The following ADAM17 variants were observed in gnomAD, a reference collection of about 807,000 sequenced individuals.
ADAM17 encodes disintegrin and metalloproteinase domain-containing protein 17.
In ADAM17, 39 loss-of-function variants were observed where a neutral mutation model predicts 96.7. That is an observed-to-expected ratio of 0.40 (90% confidence interval 0.31 to 0.53). The LOEUF is 0.53. ADAM17 is among the 20% of genes least tolerant of loss of function. The pLI, the probability that ADAM17 is intolerant of heterozygous loss-of-function variation, is 0.44. For missense variants in ADAM17, 777 were observed against 1,013.2 expected, an observed-to-expected ratio of 0.77 and a Z score of 3.17; for synonymous variants, 344 against 359.2, an observed-to-expected ratio of 0.96 and a Z score of 0.48.
intron 4 of ADAM17, among the ~76,000 whole-genome samples, chr2:9,533,703 T>C (rs956540528): frequency 1.3e-4 from 20 of 152,210 alleles, no homozygotes; most frequent in African/African-American, 4.6e-4. Flanking sequence ...AGATAAAGTG[T>C]TCTAGAATGT....
At chr2:9,535,730 G>T in intron 4 of ADAM17, 104 bp downstream of exon 4, 1 of 638,254 alleles carries the variant, frequency 1.6e-6, no homozygotes. Flanking sequence ...CAAATACGAA[G>T]AGGAAAGAAA....
At chr2:9,501,165 C>T (rs930497533) in intron 13 of ADAM17, among the ~76,000 whole-genome samples, 11 of 152,024 alleles carry the variant, frequency 7.2e-5, no homozygotes, top group African/African-American at 1.4e-4. Flanking sequence ...TATGAACTGG[C>T]TATTCACAGG....
chr2:9,554,020 G>A (rs1046488890), intron 1 of ADAM17, among the ~76,000 whole-genome samples: 3 of 152,188 alleles, frequency 2.0e-5, no homozygotes, highest in Middle Eastern at 6.8e-3. Flanking sequence ...CTGAGATCGC[G>A]CCACTGCACT....
chr2:9,532,185 A>C (rs1664772048), intron 4 of ADAM17, among the ~76,000 whole-genome samples: 1 of 152,246 alleles, frequency 6.6e-6, no homozygotes, highest in Non-Finnish European at 1.5e-5. Context: ...CTAAGATATT[A>C]GTGCAGATAG....
intron 1 of ADAM17, among the ~76,000 whole-genome samples, chr2:9,552,628 G>A (rs898423790): frequency 1.3e-5 from 2 of 152,086 alleles, no homozygotes; most frequent in African/African-American, 4.8e-5. Flanking sequence ...CCTCATCTGT[G>A]ACCTATATTT....
chr2:9,533,378 C>T (rs148832468), intron 4 of ADAM17, among the ~76,000 whole-genome samples: 2 of 151,914 alleles, frequency 1.3e-5, no homozygotes, highest in African/African-American at 4.8e-5. Flanking sequence ...GAAACCCTGT[C>T]TCTACCAAAA....
chr2:9,547,440 A>G lies in ADAM17; in HGVS notation c.98-4155T>C, dbSNP rs150164013. Among the ~76,000 whole-genome samples the G allele has an allele frequency of 2.6e-4, 40 of 152,344 alleles. No homozygotes were observed. In the East Asian group the frequency reaches 7.7e-3, roughly 29 times the overall value. On this transcript the variant is annotated intron_variant, in intron 1 of 18. Coordinates refer to ENST00000310823, the MANE Select transcript of ADAM17 (RefSeq NM_003183.6). ...AGTTATGCACAGACACAGCAGGGGC[A>G]TGATCCCTGCCTGCTGAGTCAAAGA...
At chr2:9,536,604 C>T in intron 3 of ADAM17, 94 bp downstream of exon 3, 1 of 1,530,870 alleles carries the variant, frequency 6.5e-7, no homozygotes, top group Non-Finnish European at 8.8e-7. Context: ...ACCCCGTCCC[C>T]ACTATCCTGC....
intron 17 of ADAM17, among the ~76,000 whole-genome samples, chr2:9,492,578 A>C (rs1662247531): frequency 6.6e-6 from 1 of 152,230 alleles, no homozygotes; most frequent in Non-Finnish European, 1.5e-5. Flanking sequence ...AGTCAGCCTG[A>C]AAATGCTCTT....
In ADAM17 at chr2:9,493,006, G is replaced by A. The variant is rs1662287080; in HGVS notation, c.1994-20C>T. On this transcript the variant is annotated intron_variant, in intron 16 of 18. Transcript: ENST00000310823. Reference sequence around the variant, plus strand: ...ACTTTCCTGTGAACAATTCCAAACAGTTAATGTCTTGACCAAGTACTTCAC... The same window carrying A: ...ACTTTCCTGTGAACAATTCCAAACAATTAATGTCTTGACCAAGTACTTCAC... 6.3e-7 allele frequency: 1 copy of A among 1,592,078 alleles called. No homozygotes were observed. Among genetic ancestry groups the A allele is most frequent in the South Asian group, 1.1e-5 (1 of 88,402 alleles).
At chr2:9,508,631 T>G (rs887597755) in intron 11 of ADAM17, among the ~76,000 whole-genome samples, 3 of 152,168 alleles carry the variant, frequency 2.0e-5, no homozygotes, top group Non-Finnish European at 4.4e-5. Flanking sequence ...AAAATTTAAA[T>G]AAAATAGAAT....
intron 1 of ADAM17, 21 bp from the exon 2 acceptor site, chr2:9,543,306 G>A (rs1476463864): frequency 1.3e-6 from 2 of 1,565,946 alleles, no homozygotes; most frequent in African/African-American, 2.8e-5. Context: ...GGTAAAAAAG[G>A]TATTAGCATC....
intron 6 of ADAM17, 152 bp from the exon 7 acceptor site, chr2:9,523,490 G>A (rs1664394127): frequency 1.1e-5 from 7 of 609,774 alleles, no homozygotes; most frequent in South Asian, 4.4e-5. Flanking sequence ...AGATGTTACT[G>A]TATCAGAGTA....
At chr2:9,493,984 A>C (rs982943971) in intron 15 of ADAM17, among the ~76,000 whole-genome samples, 159 bp from the exon 16 acceptor site, 5 of 152,240 alleles carry the variant, frequency 3.3e-5, no homozygotes, top group African/African-American at 1.2e-4. Flanking sequence ...ATGAGTACCC[A>C]AGAAAGTAGA....
Position 9,543,693 on chromosome 2 carries a change from T to C in ADAM17, c.98-408A>G, listed in dbSNP as rs62119377. ...AAACCAGTTTTAAAAGAAAGACTCTTACTCATGTGTGGAAGCTAAAAAAGT... is the reference window on the plus strand; with the variant it reads ...AAACCAGTTTTAAAAGAAAGACTCTCACTCATGTGTGGAAGCTAAAAAAGT... On this transcript the variant is annotated intron_variant, in intron 1 of 18. Coordinates refer to ENST00000310823, the MANE Select transcript of ADAM17 (RefSeq NM_003183.6). Among the ~76,000 whole-genome samples the C allele has an allele frequency of 0.18, 27,790 of 152,172 alleles. 2,688 individuals are homozygous for C. The highest frequency in any genetic ancestry group is 0.29 in the Middle Eastern group (84 of 294).
intron 16 of ADAM17, among the ~76,000 whole-genome samples, chr2:9,493,189 G>A (rs566314161): frequency 3.3e-5 from 5 of 152,230 alleles, no homozygotes; most frequent in African/African-American, 1.2e-4. Context: ...CTCATATACT[G>A]GCTGACAGGA....
intron 17 of ADAM17, 63 bp from the exon 18 acceptor site, chr2:9,491,214 C>T: frequency 7.0e-7 from 1 of 1,433,848 alleles, no homozygotes. Context: ...AGTACTATTT[C>T]ATCACAGGCT....
chr2:9,551,822 A>G (rs1665599820), intron 1 of ADAM17, among the ~76,000 whole-genome samples: 1 of 152,190 alleles, frequency 6.6e-6, no homozygotes, highest in Admixed American at 6.5e-5. Flanking sequence ...GAAGCATTCG[A>G]AAGCAAAGGT....
Position 9,488,653 on chromosome 2 carries a change from T to C in ADAM17, c.*1524A>G, listed in dbSNP as rs890623200. On this transcript the variant is annotated 3_prime_UTR_variant, in exon 19 of 19. Coordinates refer to ENST00000310823, the MANE Select transcript of ADAM17 (RefSeq NM_003183.6). Reference sequence around the variant, plus strand: ...TTTTGAGAACTGTTTCACTCATACATACACCCACACACCCCACTCAACCTT... The same window carrying C: ...TTTTGAGAACTGTTTCACTCATACACACACCCACACACCCCACTCAACCTT... The C allele has an allele frequency of 5.4e-6, 1 of 184,424 alleles. No homozygotes were observed. The highest frequency in any genetic ancestry group is 2.3e-5 in the African/African-American group (1 of 42,682). The allele number at this position is 184,424 out of a possible 1,614,324, so 11.4% of individuals were successfully genotyped here. A position where few individuals can be genotyped will look rare whatever the true frequency, so the allele number is the denominator to read the frequency against.
Sources: gnomAD v4.1 joint callset for allele counts (sites outside exome capture counted in the v4.1 genomes callset) on GRCh38, gnomAD v4.1.1 for gene constraint, MANE v1.5 for transcripts, NCBI Gene and HGNC (gene_info 2026-07-23, HGNC 2026-07-21) for gene names.